DHX8: variants seen among roughly 807,000 people sequenced by gnomAD.
DHX8 encodes ATP-dependent RNA helicase DHX8.
DHX8 carries 67 observed loss-of-function variants against 140.7 expected under a neutral mutation model. The ratio of observed to expected loss-of-function variants is 0.48; its 90% CI spans 0.39 to 0.58. The LOEUF is 0.58. Ranked by LOEUF, DHX8 falls within the 20% of genes least tolerant of loss-of-function variation. DHX8 has a pLI of 0.00. For missense variants in DHX8, 887 were observed against 1,550.7 expected, an observed-to-expected ratio of 0.57 and a Z score of 7.19; for synonymous variants, 533 against 553.2, an observed-to-expected ratio of 0.96 and a Z score of 0.51.
chr17:43,524,889 G>GT lies in DHX8; in HGVS notation c.*1048dup, dbSNP rs774050611. 1.0e-6 allele frequency: 1 copy of GT among 985,076 alleles called. No homozygotes were observed. 61.0% of individuals were successfully genotyped at this position (985,076 alleles called of 1,614,324 possible). On this transcript the variant is annotated 3_prime_UTR_variant, in exon 23 of 23. Coordinates refer to ENST00000262415, the MANE Select transcript of DHX8 (RefSeq NM_004941.3). ...TGTGCTGCAGGGCTTGTTCTTAGTG[G>GT]TTTTTTCCTAGCACTTGCTTGGAGA...
At chr17:43,517,412 ATACTT>A (rs1267738080) in intron 18 of DHX8, 90 bp downstream of exon 18, 2 of 1,419,382 alleles carry the variant, frequency 1.4e-6, no homozygotes, top group African/African-American at 2.8e-5. Context: ...ACCTTGTTAA[ATACTT>A]TAGTAACCTC....
intron 3 of DHX8, among the ~76,000 whole-genome samples, chr17:43,537,295 G>A (rs1003118280): frequency 6.6e-6 from 1 of 152,176 alleles, no homozygotes; most frequent in Non-Finnish European, 1.5e-5. Context: ...AACCTGGGAG[G>A]CAGAGGTTGC....
At chr17:43,521,656 G>A in intron 21 of DHX8, 91 bp downstream of exon 21, 1 of 1,286,104 alleles carries the variant, frequency 7.8e-7, no homozygotes, top group Non-Finnish European at 1.1e-6. Flanking sequence ...TAAAGCTATA[G>A]GCACCTTTTC....
intron 21 of DHX8, 137 bp downstream of exon 21, chr17:43,521,702 T>C: frequency 1.2e-6 from 1 of 839,372 alleles, no homozygotes; most frequent in Non-Finnish European, 1.8e-6. Context: ...CTCCAGCTTT[T>C]CCATCTTTGT....
chr17:43,523,421 CT>C lies in DHX8; in HGVS notation c.3444-206del, dbSNP rs562695254. Among the ~76,000 whole-genome samples, 310 of 152,354 alleles carry C rather than the reference CT, an allele frequency of 2.0e-3. 1 individual carries two copies. The highest frequency in any genetic ancestry group is 3.3e-3 in the Admixed American group (50 of 15,308). ...GCCAGAGCCAGGACTAGAATACATT[CT>C]CCTGAGACCTTTCTTGTGGTTAGAG... is the stretch of plus-strand genomic sequence containing the variant. On this transcript the variant is annotated intron_variant, in intron 22 of 22. Coordinates refer to ENST00000262415, the MANE Select transcript of DHX8 (RefSeq NM_004941.3).
At chr17:43,528,815 G>T, downstream of DHX8, 1 of 1,248,098 alleles carries the variant, frequency 8.0e-7, no homozygotes, top group African/African-American at 1.5e-5. Flanking sequence ...GTGGGGGAGT[G>T]GGGAATGTGG....
At chr17:43,510,011 G>T (rs1969728650) in intron 16 of DHX8, among the ~76,000 whole-genome samples, 1 of 151,496 alleles carries the variant, frequency 6.6e-6, no homozygotes, top group African/African-American at 2.4e-5. Flanking sequence ...TCGCCATGTT[G>T]CCCAGATTGG....
intron 12 of DHX8, among the ~76,000 whole-genome samples, chr17:43,506,158 T>C (rs1003712657): frequency 2.0e-5 from 3 of 151,876 alleles, no homozygotes; most frequent in Non-Finnish European, 2.9e-5. Context: ...GCATACACCA[T>C]CATGCTCAGC....
chr17:43,508,276 AGC>A, intron 15 of DHX8, 61 bp from the exon 16 acceptor site: 1 of 1,546,312 alleles, frequency 6.5e-7, no homozygotes. Context: ...ATATCACCAT[AGC>A]CCTTGTATAG....
intron 11 of DHX8, among the ~76,000 whole-genome samples, chr17:43,500,684 G>A (rs1186451568): frequency 3.3e-5 from 5 of 151,906 alleles, no homozygotes; most frequent in African/African-American, 4.8e-5. Context: ...AGGCTGAGGC[G>A]GGCGGATCAC....
chr17:43,487,189 C>T (rs1487025897), intron 1 of DHX8, among the ~76,000 whole-genome samples: 31 of 152,182 alleles, frequency 2.0e-4, no homozygotes, highest in Admixed American at 2.0e-3. Context: ...TAGCATAGTG[C>T]CTGGCACGTA....
chr17:43,529,493 G>A (rs749388064), downstream of DHX8: 15 of 1,600,028 alleles, frequency 9.4e-6, no homozygotes, highest in Middle Eastern at 1.7e-4. Context: ...GGGAACATCC[G>A]AGAGGCCCAC....
chr17:43,490,240 A>C, intron 2 of DHX8, 151 bp from the exon 3 acceptor site: 1 of 611,008 alleles, frequency 1.6e-6, no homozygotes, highest in Non-Finnish European at 2.9e-6. Flanking sequence ...GGTTCATGCT[A>C]CACCAGGTTG....
rs201586366 is a variant in DHX8 at position 43,515,985 on chromosome 17, T to TA, written c.2644-1173dup. 2.4e-3 allele frequency among the ~76,000 whole-genome samples: 359 copies of TA among 151,584 alleles called. 1 individual carries two copies. Among genetic ancestry groups the TA allele is most frequent in the African/African-American group, 7.9e-3 (326 of 41,380 alleles). ...ATGGCTAAACTACATTTTTTTTAATTAAAAAAAAATCAGTGTTTTTGAAGT... is the reference window on the plus strand; with the variant it reads ...ATGGCTAAACTACATTTTTTTTAATTAAAAAAAAAATCAGTGTTTTTGAAGT... On this transcript the variant is annotated intron_variant, in intron 17 of 22. Coordinates refer to ENST00000262415, the MANE Select transcript of DHX8 (RefSeq NM_004941.3).
chr17:43,489,780 T>C (rs1807205), intron 2 of DHX8, among the ~76,000 whole-genome samples: 33,933 of 151,894 alleles, frequency 0.22, 4,012 homozygotes, highest in East Asian at 0.32. Flanking sequence ...TTAGTAGAGA[T>C]GGGGTTTCAC....
chr17:43,503,459 T>C (rs1969316801), intron 11 of DHX8, among the ~76,000 whole-genome samples: 1 of 151,500 alleles, frequency 6.6e-6, no homozygotes, highest in Non-Finnish European at 1.5e-5. Flanking sequence ...ATCACGCCAT[T>C]GCACTCCAGC....
At chr17:43,490,320 C>A in intron 2 of DHX8, 71 bp from the exon 3 acceptor site, 2 of 1,187,848 alleles carry the variant, frequency 1.7e-6, no homozygotes, top group Non-Finnish European at 2.5e-6. Flanking sequence ...ACAGGACATT[C>A]TTTGCCTTTT....
chr17:43,500,200 C>T, intron 11 of DHX8, 97 bp downstream of exon 11: 5 of 1,406,532 alleles, frequency 3.6e-6, no homozygotes, highest in Admixed American at 2.1e-5. Flanking sequence ...AAAATTTACC[C>T]TTGGGCCGGG....
At chr17:43,513,162 C>T (rs1342293258) in intron 16 of DHX8, among the ~76,000 whole-genome samples, 200 bp from the exon 17 acceptor site, 1 of 152,138 alleles carries the variant, frequency 6.6e-6, no homozygotes, top group African/African-American at 2.4e-5. Context: ...GGTACCATCC[C>T]TTTTCCAACT....
Sources: gnomAD v4.1 joint callset for allele counts (sites outside exome capture counted in the v4.1 genomes callset) on GRCh38, gnomAD v4.1.1 for gene constraint, MANE v1.5 for transcripts, NCBI Gene and HGNC (gene_info 2026-07-23, HGNC 2026-07-21) for gene names.